Variants in MRPS11 observed in about 807,000 individuals in gnomAD.
The protein encoded by MRPS11 is mitochondrial ribosomal protein S11.
Under a neutral mutation model 24.3 loss-of-function variants are expected in MRPS11, and 27 were observed. That is an observed-to-expected ratio of 1.11 (90% CI 0.82 to 1.53). The LOEUF is 1.53. Among genes scored for constraint, MRPS11 ranks in the 40% most tolerant of loss-of-function variants. The pLI is 0.00. For synonymous variants in MRPS11, 104 were observed against 98.7 expected, an observed-to-expected ratio of 1.05 and a Z score of -0.32; for missense variants, 277 against 256.5, an observed-to-expected ratio of 1.08 and a Z score of -0.55.
chr15:88,471,184 A>G (rs1000251085), intron 2 of MRPS11, among the ~76,000 whole-genome samples: 6 of 152,218 alleles, frequency 3.9e-5, no homozygotes, highest in Admixed American at 3.9e-4. Context: ...AGAAGCTATA[A>G]AAGAGTCATC....
At chr15:88,472,311 A>G (rs1036088488) in intron 2 of MRPS11, 2 of 222,222 alleles carry the variant, frequency 9.0e-6, no homozygotes, top group Non-Finnish European at 1.8e-5. Context: ...GGGAAGAGGA[A>G]CCTACAAAGG....
In MRPS11 at chr15:88,478,044, C is replaced by G. The variant is rs1463547580; in HGVS notation, c.*65C>G. 4 of 1,323,040 alleles carry G rather than the reference C, an allele frequency of 3.0e-6. No homozygotes were observed. The African/African-American group carries it at 5.8e-5, about 19-fold the overall frequency. The allele number at this position is 1,323,040 out of a possible 1,614,324, so 82.0% of individuals were successfully genotyped here. A position where few individuals can be genotyped will look rare whatever the true frequency, so the allele number is the denominator to read the frequency against. On this transcript the variant is annotated 3_prime_UTR_variant, in exon 6 of 6. Coordinates refer to ENST00000325844, the MANE Select transcript of MRPS11 (RefSeq NM_022839.5). The surrounding 1 kb of genome is among the most constrained non-coding windows in gnomAD (Gnocchi z 4.7). ...AGCTCCAGTGGGACCTTGTAAAATG[C>G]TCCCTGTCAGAGCTCTCCAGAATAT...
chr15:88,473,279 G>C (rs1004338696), intron 3 of MRPS11, among the ~76,000 whole-genome samples: 2 of 152,206 alleles, frequency 1.3e-5, no homozygotes, highest in African/African-American at 4.8e-5. Context: ...TACAGACGGG[G>C]ACAGTGCCAA....
intron 3 of MRPS11, among the ~76,000 whole-genome samples, chr15:88,473,839 G>A (rs1284059295): frequency 6.6e-6 from 1 of 152,210 alleles, no homozygotes; most frequent in East Asian, 1.9e-4. Context: ...AAGCATATCT[G>A]AGGATTTCTT....
rs763305607 is a variant in MRPS11, at chr15:88,472,668, G to A, written c.224G>A (p.Trp75Ter). The change falls in exon 3 of 6, where the codon TGG (tryptophan) becomes TAG (stop). Residue 75 changes from tryptophan to a stop codon, truncating the protein, a stop_gained. Transcript: ENST00000325844. LOFTEE classifies it high-confidence loss of function. ...PIPGEESSLR[W>*]AGKKFEEIPI... Reference sequence around the variant, plus strand: ...CCAGGAGAGGAGAGCTCTCTGAGGTGGGCAGGAAAGAAATTTGAGGAGATC... The same window carrying A: ...CCAGGAGAGGAGAGCTCTCTGAGGTAGGCAGGAAAGAAATTTGAGGAGATC... 2 of 1,614,106 alleles carry A rather than the reference G, an allele frequency of 1.2e-6. No homozygotes were observed. Among genetic ancestry groups the A allele is most frequent in the Admixed American group, 3.3e-5 (2 of 60,024 alleles).
At chr15:88,468,686 A>G (rs1338475149) in intron 2 of MRPS11, 3 of 224,454 alleles carry the variant, frequency 1.3e-5, no homozygotes, top group Non-Finnish European at 2.2e-5. Context: ...TAATGGAGGT[A>G]AGCATTGGTT....
At chr15:88,468,723 CT>C (rs2055611745) in intron 2 of MRPS11, 2 of 183,738 alleles carry the variant, frequency 1.1e-5, no homozygotes, top group African/African-American at 4.8e-5. Flanking sequence ...AAGTGTCTAA[CT>C]CCTGGCCGGG....
Position 88,475,361 on chromosome 15 carries a change from G to A in MRPS11, c.411+122G>A. ...AGCAAGGGTTTGTCATGGCAGCTTT[G>A]ATGCCCTGATTGGAGCATTGGTTTG... On this transcript the variant is annotated intron_variant, in intron 4 of 5. Coordinates refer to ENST00000325844, the MANE Select transcript of MRPS11 (RefSeq NM_022839.5). The surrounding 1 kb of genome is among the most constrained non-coding windows in gnomAD (Gnocchi z 4.1). 7.2e-7 allele frequency: 1 copy of A among 1,383,974 alleles called. No homozygotes were observed. Among genetic ancestry groups the A allele is most frequent in the South Asian group, 1.4e-5 (1 of 73,906 alleles). The allele number at this position is 1,383,974 out of a possible 1,614,324, so 85.7% of individuals were successfully genotyped here. A position where few individuals can be genotyped will look rare whatever the true frequency, so the allele number is the denominator to read the frequency against.
Position 88,474,095 on chromosome 15 carries a change from G to A in MRPS11, c.282-1015G>A, listed in dbSNP as rs189140778. ...GGAGGCTGAGGTGGGAGGATGGCTT[G>A]AGCCCAGGAGTTGGAGGCTGCAGTG... On this transcript the variant is annotated intron_variant, in intron 3 of 5. Transcript: ENST00000325844. 3.9e-3 allele frequency among the ~76,000 whole-genome samples: 592 copies of A among 152,202 alleles called. 5 individuals are homozygous for A. The highest frequency in any genetic ancestry group is 0.013 in the African/African-American group (558 of 41,520).
chr15:88,471,216 G>A (rs1419824782), intron 2 of MRPS11, among the ~76,000 whole-genome samples: 1 of 152,204 alleles, frequency 6.6e-6, no homozygotes, highest in Admixed American at 6.5e-5. Context: ...AAGGATAATT[G>A]AACAGGGTAT....
Position 88,467,956 on chromosome 15 carries a change from A to G in MRPS11, c.114A>G (p.Arg38=), listed in dbSNP as rs755335758. The change falls in exon 2 of 6, where the codon CGA becomes CGG. Residue 38 remains arginine, a synonymous_variant. Coordinates refer to ENST00000325844, the MANE Select transcript of MRPS11 (RefSeq NM_022839.5). ...TPAGTICTGA[R]QLQDAAAKQK... Reference sequence around the variant, plus strand: ...CCGGGACCATCTGCACAGGCGCTCGACAGCTCCAAGACGCTGCGGCCAAGC... The same window carrying G: ...CCGGGACCATCTGCACAGGCGCTCGGCAGCTCCAAGACGCTGCGGCCAAGC... 1 of 1,613,186 alleles carries G rather than the reference A, an allele frequency of 6.2e-7. No homozygotes were observed.
At chr15:88,476,947 T>C in intron 4 of MRPS11, 42 bp from the exon 5 acceptor site, 2 of 1,597,622 alleles carry the variant, frequency 1.3e-6, no homozygotes, top group Non-Finnish European at 1.7e-6. Context: ...TTGGATGCAG[T>C]AGTTCTCTCT....
In MRPS11 at chr15:88,475,738, G is replaced by T. The variant is rs1376202970; in HGVS notation, c.411+499G>T. The stretch of plus-strand genomic sequence containing the variant: ...TAATCCCAGCACTTTGGGAGGCCAA[G>T]GCAGGCGTAAGAGATCGAGACCATC... On this transcript the variant is annotated intron_variant, in intron 4 of 5. Transcript: ENST00000325844. The surrounding 1 kb of genome is among the most constrained non-coding windows in gnomAD (Gnocchi z 4.1). Among the ~76,000 whole-genome samples the T allele has an allele frequency of 6.6e-6, 1 of 152,144 alleles. No individual in the cohort carries two copies. The highest frequency in any genetic ancestry group is 2.4e-5 in the African/African-American group (1 of 41,448).
Position 88,467,983 on chromosome 15 carries a change from G to A in MRPS11, c.141G>A (p.Gln47=), listed in dbSNP as rs771058671. Residue 47 remains glutamine, a synonymous_variant, in exon 2 of 6, where the codon CAG becomes CAA. Transcript: ENST00000325844. ...AGCTCCAAGACGCTGCGGCCAAGCA[G>A]AAAGTTGAACAGAACGCGGCTCCCA... ...ARQLQDAAAK[Q]KVEQNAAPSH... 6.2e-7 allele frequency: 1 copy of A among 1,611,106 alleles called. No individual in the cohort carries two copies. Among genetic ancestry groups the A allele is most frequent in the South Asian group, 1.1e-5 (1 of 90,554 alleles).
chr15:88,472,475 G>A (rs1194019754), intron 2 of MRPS11, 152 bp from the exon 3 acceptor site: 1 of 612,682 alleles, frequency 1.6e-6, no homozygotes, highest in African/African-American at 1.9e-5. Flanking sequence ...ACATGCGGTG[G>A]TGGCACCAGA....
In MRPS11 at chr15:88,469,467, A is replaced by C. The variant is rs370454273; in HGVS notation, c.182+1443A>C. On this transcript the variant is annotated intron_variant, in intron 2 of 5. Coordinates refer to ENST00000325844, the MANE Select transcript of MRPS11 (RefSeq NM_022839.5). This position sits in a 1 kb window ranked among gnomAD's most constrained non-coding sequence, Gnocchi z 4.4. ...GGGTAGAAGACAGTAAATAGAAAAC[A>C]AGTAAAATGTAGGAGTATAACGGTT... 5.9e-5 allele frequency among the ~76,000 whole-genome samples: 9 copies of C among 152,338 alleles called. No individual in the cohort carries two copies. The highest frequency in any genetic ancestry group is 2.2e-4 in the African/African-American group (9 of 41,574).
rs1384955838 is a variant in MRPS11 at position 88,467,776 on chromosome 15, C to G, written c.59C>G (p.Thr20Arg). 1.2e-6 allele frequency: 2 copies of G among 1,614,018 alleles called. No homozygotes were observed. The highest frequency in any genetic ancestry group is 2.7e-5 in the African/African-American group (2 of 74,928). ...RFLRSWTWPQ[T>R]AGRVVARTPA... ...CTGCGGTCCTGGACTTGGCCCCAGACAGCCGGGTAACAAATGACTGCCCCC... is the reference window on the plus strand; with the variant it reads ...CTGCGGTCCTGGACTTGGCCCCAGAGAGCCGGGTAACAAATGACTGCCCCC... Residue 20 changes from threonine to arginine, a missense_variant, in exon 1 of 6, where the codon ACA (threonine) becomes AGA (arginine). Coordinates refer to ENST00000325844, the MANE Select transcript of MRPS11 (RefSeq NM_022839.5).
In MRPS11 at chr15:88,475,121, A is replaced by C; in HGVS notation, c.293A>C (p.Gln98Pro). ...IKASHNNTQI[Q>P]VVSASNEPLA... ...TCTACTTTTCTCAGCACACAGATCC[A>C]GGTAGTCTCTGCTAGTAATGAGCCC... Residue 98 changes from glutamine to proline, a missense_variant, in exon 4 of 6, where the codon CAG (glutamine) becomes CCG (proline). By Grantham distance (76) the Gln-to-Pro change is moderately conservative (BLOSUM62 -1). Coordinates refer to ENST00000325844, the MANE Select transcript of MRPS11 (RefSeq NM_022839.5). The surrounding 1 kb of genome is among the most constrained non-coding windows in gnomAD (Gnocchi z 4.1). The C allele has an allele frequency of 6.2e-7, 1 of 1,614,208 alleles. No individual in the cohort carries two copies. The highest frequency in any genetic ancestry group is 8.5e-7 in the Non-Finnish European group (1 of 1,180,026).
chr15:88,471,538 G>T (rs1196640287), intron 2 of MRPS11, among the ~76,000 whole-genome samples: 1 of 151,862 alleles, frequency 6.6e-6, no homozygotes, highest in Non-Finnish European at 1.5e-5. Flanking sequence ...ATTTTAAAAA[G>T]CACAGCTTGG....
Sources: gnomAD v4.1 joint callset for allele counts (sites outside exome capture counted in the v4.1 genomes callset) on GRCh38, gnomAD v4.1.1 for gene constraint, Gnocchi (gnomAD v3.1) non-coding constraint, MANE v1.5 for transcripts, NCBI Gene and HGNC (gene_info 2026-07-23, HGNC 2026-07-21) for gene names.